GPR160: variants seen among roughly 807,000 people sequenced by gnomAD.
GPR160 encodes the protein probable G protein-coupled receptor 160.
GPR160 carries 2 observed loss-of-function variants against 2.6 expected under a neutral mutation model. The observed-to-expected ratio is 0.77, with a 90% CI of 0.32 to 2.44. GPR160 has a LOEUF of 2.44. Among genes scored for constraint, GPR160 ranks in the 30% most tolerant of loss-of-function variants. GPR160 has a pLI of 0.11. For synonymous variants in GPR160, 130 were observed against 132.2 expected, an observed-to-expected ratio of 0.98 and a Z score of 0.12; for missense variants, 351 against 383.6, an observed-to-expected ratio of 0.91 and a Z score of 0.71.
chr3:170,057,364 C>G (rs967972707), intron 2 of GPR160: 1 of 152,172 alleles, frequency 6.6e-6, no homozygotes, highest in Non-Finnish European at 1.5e-5. Flanking sequence ...TAATTGAAAA[C>G]TTTTCTCAAT....
chr3:170,076,365 C>T (rs1404085757), intron 2 of GPR160, among the ~76,000 whole-genome samples: 2 of 151,682 alleles, frequency 1.3e-5, no homozygotes, highest in Non-Finnish European at 2.9e-5. Context: ...TTTTTTTCCA[C>T]TGAATTTGGA....
intron 2 of GPR160, among the ~76,000 whole-genome samples, chr3:170,042,883 A>G (rs1398005391): frequency 5.1e-4 from 59 of 116,476 alleles, no homozygotes; most frequent in African/African-American, 1.8e-3. Context: ...GTCTTCACAC[A>G]CTTTTTTTTT....
chr3:170,061,452 T>A (rs1711949880), intron 2 of GPR160, among the ~76,000 whole-genome samples: 1 of 152,064 alleles, frequency 6.6e-6, no homozygotes, highest in African/African-American at 2.4e-5. Context: ...ACCATTTAAT[T>A]TAATTTCATT....
intron 2 of GPR160, among the ~76,000 whole-genome samples, chr3:170,044,811 CCTG>C (rs1716631909): frequency 6.6e-6 from 1 of 152,162 alleles, no homozygotes; most frequent in Non-Finnish European, 1.5e-5. Context: ...CTACCACTCT[CCTG>C]CTGATGACAA....
chr3:170,064,646 G>A (rs1459242538), intron 2 of GPR160, among the ~76,000 whole-genome samples: 2 of 151,272 alleles, frequency 1.3e-5, no homozygotes, highest in East Asian at 3.9e-4. Context: ...AGCCTCCTGA[G>A]TAGCTGGGAC....
chr3:170,059,052 C>G (rs2108324353), intron 2 of GPR160, among the ~76,000 whole-genome samples: 1 of 151,878 alleles, frequency 6.6e-6, no homozygotes, highest in East Asian at 1.9e-4. Flanking sequence ...CACACACACA[C>G]ACACACACTT....
Position 170,070,858 on chromosome 3 carries a change from CT to C in GPR160, c.-192-8912del, listed in dbSNP as rs557122829. ...GATTTACATTAATTCCAGGTTTTTA[CT>C]TTTATATTTAATGCTGTGAGATGAA... is the stretch of plus-strand genomic sequence containing the variant. On this transcript the variant is annotated intron_variant, in intron 2 of 3. Transcript: ENST00000355897. Among the ~76,000 whole-genome samples the C allele has an allele frequency of 1.5e-3, 232 of 152,224 alleles. 1 individual carries two copies. Among genetic ancestry groups the C allele is most frequent in the Non-Finnish European group, 2.9e-4 (20 of 68,006 alleles).
intron 2 of GPR160, among the ~76,000 whole-genome samples, chr3:170,058,484 A>G (rs1221874243): frequency 1.3e-5 from 2 of 152,352 alleles, no homozygotes; most frequent in Admixed American, 6.5e-5. Context: ...AGTTTCTGCC[A>G]TACCTCTAAG....
chr3:170,062,650 A>C, intron 2 of GPR160: 1 of 1,434,598 alleles, frequency 7.0e-7, no homozygotes, highest in Non-Finnish European at 9.7e-7. Flanking sequence ...CCACCAATGC[A>C]GCCATCGCCA....
intron 2 of GPR160, among the ~76,000 whole-genome samples, chr3:170,045,661 G>A (rs1020159976): frequency 6.6e-6 from 1 of 152,088 alleles, no homozygotes; most frequent in East Asian, 1.9e-4. Flanking sequence ...TTTTGTGAAT[G>A]CCAGACCAGC....
At chr3:170,055,470 C>G (rs570534536) in intron 2 of GPR160, among the ~76,000 whole-genome samples, 65 of 152,070 alleles carry the variant, frequency 4.3e-4, no homozygotes, top group South Asian at 3.9e-3. Context: ...TTCAGAAGCC[C>G]GGGATGGAGA....
intron 2 of GPR160, among the ~76,000 whole-genome samples, chr3:170,055,916 G>A (rs1171259523): frequency 6.6e-6 from 1 of 152,204 alleles, no homozygotes; most frequent in African/African-American, 2.4e-5. Context: ...TTACAGGCGT[G>A]AGCCACTGCG....
At chr3:170,083,229 A>G (rs1211261887) in intron 3 of GPR160, 1 of 151,850 alleles carries the variant, frequency 6.6e-6, no homozygotes, top group Non-Finnish European at 1.5e-5. Flanking sequence ...CCGCTTCCTA[A>G]TGTTCTCATG....
chr3:170,056,747 CTAAT>C (rs1404301366), intron 2 of GPR160, among the ~76,000 whole-genome samples: 1 of 152,116 alleles, frequency 6.6e-6, no homozygotes, highest in Non-Finnish European at 1.5e-5. Context: ...CACGTGAAGG[CTAAT>C]TAATTTTGTA....
At chr3:170,051,701 GGAGA>G (rs1716965974) in intron 2 of GPR160, among the ~76,000 whole-genome samples, 1 of 151,964 alleles carries the variant, frequency 6.6e-6, no homozygotes, top group African/African-American at 2.4e-5. Flanking sequence ...CTCCAGCTTG[GGAGA>G]GAGAACGAAA....
At chr3:170,077,789 C>G (rs1712936002) in intron 2 of GPR160, 1 of 152,996 alleles carries the variant, frequency 6.5e-6, no homozygotes, top group South Asian at 2.0e-4. Context: ...CCACTAGCTG[C>G]TGTTACACTG....
At chr3:170,066,043 CA>C (rs1712311119) in intron 2 of GPR160, among the ~76,000 whole-genome samples, 1 of 151,228 alleles carries the variant, frequency 6.6e-6, no homozygotes. Flanking sequence ...GGCATGCACA[CA>C]TGCCCAGTGC....
intron 2 of GPR160, among the ~76,000 whole-genome samples, chr3:170,055,278 C>G (rs990072310): frequency 2.0e-5 from 3 of 152,120 alleles, no homozygotes; most frequent in African/African-American, 7.2e-5. Context: ...AACTGGACCC[C>G]GGCTGATTGG....
At chr3:170,047,865 T>C (rs1002358547) in intron 2 of GPR160, among the ~76,000 whole-genome samples, 2 of 141,246 alleles carry the variant, frequency 1.4e-5, no homozygotes, top group Non-Finnish European at 3.0e-5. Flanking sequence ...TGAGATGAAG[T>C]CTTGCTCAGT....
Sources: allele counts gnomAD v4.1 joint callset (sites outside exome capture counted in the v4.1 genomes callset), GRCh38; gene constraint gnomAD v4.1.1; transcripts MANE v1.5; gene names NCBI Gene and HGNC (gene_info 2026-07-23, HGNC 2026-07-21).